VAPA: variants seen among roughly 807,000 people sequenced by gnomAD.
VAPA encodes the protein vesicle-associated membrane protein-associated protein A.
In VAPA, 6 loss-of-function variants were observed where a neutral mutation model predicts 25.6. The observed-to-expected ratio is 0.23, with a 90% CI of 0.13 to 0.46. VAPA has a LOEUF of 0.46. VAPA is among the 20% of genes least tolerant of loss of function. The pLI, the probability that VAPA is intolerant of heterozygous loss-of-function variation, is 0.99. For synonymous variants in VAPA, 112 were observed against 106.2 expected (o/e 1.05, Z -0.34); for missense variants, 244 against 302.1 (o/e 0.81, Z 1.43).
At chr18:9,936,369 A>G (rs1465517730) in intron 3 of VAPA, 156 bp downstream of exon 3, 2 of 447,360 alleles carry the variant, frequency 4.5e-6, no homozygotes, top group Non-Finnish European at 8.0e-6. Flanking sequence ...CCTAACTTAA[A>G]GAATGAAAGA....
At position 9,957,707 on chromosome 18, in the gene VAPA, C is replaced by A. The variant is rs2069565485; in HGVS notation, c.*3496C>A. 6.6e-6 allele frequency: 1 copy of A among 152,152 alleles called. No homozygotes were observed. The highest frequency in any genetic ancestry group is 1.9e-4 in the East Asian group (1 of 5,198). 9.4% of individuals were successfully genotyped at this position (152,152 alleles called of 1,614,324 possible). ...TTTAAAAATGTGAAGTGTCCTTTTC[C>A]TTTTCACAATACAAAAAAAATTTCA... On this transcript the variant is annotated 3_prime_UTR_variant, in exon 6 of 6. Coordinates refer to ENST00000400000, the MANE Select transcript of VAPA (RefSeq NM_194434.3).
Position 9,959,177 on chromosome 18 carries a change from C to T in VAPA, c.*4966C>T, listed in dbSNP as rs1031124475. 3.3e-5 allele frequency: 5 copies of T among 152,076 alleles called. No homozygotes were observed. Among genetic ancestry groups the T allele is most frequent in the African/African-American group, 1.2e-4 (5 of 41,388 alleles). The allele number at this position is 152,076 out of a possible 1,614,324, so 9.4% of individuals were successfully genotyped here. A position where few individuals can be genotyped will look rare whatever the true frequency, so the allele number is the denominator to read the frequency against. On this transcript the variant is annotated 3_prime_UTR_variant, in exon 6 of 6. Coordinates refer to ENST00000400000, the MANE Select transcript of VAPA (RefSeq NM_194434.3). ...TAGATGGTCTGATCCTAGTGATCTACCATATGAAGGACATAGTTTGTGTCC... is the reference window on the plus strand; with the variant it reads ...TAGATGGTCTGATCCTAGTGATCTATCATATGAAGGACATAGTTTGTGTCC...
chr18:9,944,793 T>C (rs1599113766), intron 4 of VAPA: 4 of 1,115,806 alleles, frequency 3.6e-6, no homozygotes, highest in African/African-American at 1.6e-5. Context: ...TTGTTTCTTA[T>C]GCATTAATGC....
At chr18:9,929,333 C>A (rs29191) in intron 1 of VAPA, among the ~76,000 whole-genome samples, 57,890 of 151,828 alleles carry the variant, frequency 0.38, 11,465 homozygotes, top group Middle Eastern at 0.42. Context: ...GGAGCAGTTA[C>A]CACCTAAAGG....
intron 4 of VAPA, among the ~76,000 whole-genome samples, chr18:9,938,924 ATTGT>A (rs2069338192): frequency 6.6e-6 from 1 of 152,184 alleles, no homozygotes; most frequent in South Asian, 2.1e-4. Context: ...CATCTTAGGT[ATTGT>A]TTAAGGCAAA....
chr18:9,938,517 G>A (rs2069334310), intron 4 of VAPA, among the ~76,000 whole-genome samples: 1 of 152,184 alleles, frequency 6.6e-6, no homozygotes. Context: ...GTAGTTTTGG[G>A]TCTGTTTTAG....
chr18:9,935,308 AC>A (rs1487301561), intron 2 of VAPA, among the ~76,000 whole-genome samples: 1 of 152,140 alleles, frequency 6.6e-6, no homozygotes, highest in Non-Finnish European at 1.5e-5. Context: ...GCTGTGGCTT[AC>A]GCCTGTAATC....
intron 1 of VAPA, among the ~76,000 whole-genome samples, chr18:9,923,183 A>G (rs2069171614): frequency 6.6e-6 from 1 of 152,174 alleles, no homozygotes; most frequent in Non-Finnish European, 1.5e-5. Flanking sequence ...ACTAGTTATC[A>G]CTAATGTTTG....
intron 2 of VAPA, among the ~76,000 whole-genome samples, chr18:9,935,163 A>G (rs1183329423): frequency 6.6e-6 from 1 of 152,044 alleles, no homozygotes; most frequent in Non-Finnish European, 1.5e-5. Context: ...TTTAGAACTC[A>G]AGAGGCTATA....
At chr18:9,950,808 G>T in intron 5 of VAPA, 1 of 425,328 alleles carries the variant, frequency 2.4e-6, no homozygotes. Context: ...CTGCAGTATT[G>T]CCAGCTTCTG....
chr18:9,934,937 A>G (rs2069292631), intron 2 of VAPA, among the ~76,000 whole-genome samples: 1 of 152,000 alleles, frequency 6.6e-6, no homozygotes, highest in Non-Finnish European at 1.5e-5. Flanking sequence ...TACTAAAAAT[A>G]CAAAAAAATT....
In VAPA at chr18:9,956,389, T is replaced by G. The variant is rs941249317; in HGVS notation, c.*2178T>G. The G allele has an allele frequency of 6.6e-6, 1 of 152,248 alleles. No individual in the cohort carries two copies. Among genetic ancestry groups the G allele is most frequent in the African/African-American group, 2.4e-5 (1 of 41,458 alleles). 9.4% of individuals were successfully genotyped at this position (152,248 alleles called of 1,614,324 possible). A position where few individuals can be genotyped will look rare whatever the true frequency, so the allele number is the denominator to read the frequency against. Reference sequence around the variant, plus strand: ...CTACTACCGGCTTACTGTTGAATAGTTTGGTTATAGTGTTTAGGCTAGAAA... The same window carrying G: ...CTACTACCGGCTTACTGTTGAATAGGTTGGTTATAGTGTTTAGGCTAGAAA... On this transcript the variant is annotated 3_prime_UTR_variant, in exon 6 of 6. Coordinates refer to ENST00000400000, the MANE Select transcript of VAPA (RefSeq NM_194434.3).
At position 9,914,429 on chromosome 18, in the gene VAPA, C is replaced by T. The variant is rs886269685; in HGVS notation, c.79+94C>T. Reference sequence around the variant, plus strand: ...CGGAGGGCACGTCCGCGGCCCTGGCCCGAGGGAGCGCCCCCTCCCCCACGC... The same window carrying T: ...CGGAGGGCACGTCCGCGGCCCTGGCTCGAGGGAGCGCCCCCTCCCCCACGC... On this transcript the variant is annotated intron_variant, in intron 1 of 5. Transcript: ENST00000400000. 1.5e-5 allele frequency: 17 copies of T among 1,125,990 alleles called. No homozygotes were observed. The Admixed American group carries it at 4.6e-4, about 31-fold the overall frequency. 69.7% of individuals were successfully genotyped at this position (1,125,990 alleles called of 1,614,324 possible).
At chr18:9,951,736 G>A (rs2069492445) in intron 5 of VAPA, among the ~76,000 whole-genome samples, 1 of 152,168 alleles carries the variant, frequency 6.6e-6, no homozygotes, top group South Asian at 2.1e-4. Flanking sequence ...AATGATGGGA[G>A]TTATTTGATT....
rs1490963956 is a variant in VAPA, at chr18:9,959,894, A to G, written c.*5683A>G. The G allele has an allele frequency of 7.9e-5, 12 of 152,150 alleles. No individual in the cohort carries two copies. 9.4% of individuals were successfully genotyped at this position (152,150 alleles called of 1,614,324 possible). A position where few individuals can be genotyped will look rare whatever the true frequency, so the allele number is the denominator to read the frequency against. On this transcript the variant is annotated 3_prime_UTR_variant, in exon 6 of 6. Transcript: ENST00000400000. ...TTTGTGCTGTTTTAATTCAAAATGT[A>G]TATCCTTAATTGTATATAATATGTA...
rs534238676 is a variant in VAPA, at chr18:9,937,387, A to C, written c.417+321A>C. On this transcript the variant is annotated intron_variant, in intron 4 of 5. Transcript: ENST00000400000. ...AGAATGAGATGTGTATACATAATTT[A>C]AAAATACATATAAATTGCTTTTTGG... Among the ~76,000 whole-genome samples, 5 of 152,312 alleles carry C rather than the reference A, an allele frequency of 3.3e-5. No individual in the cohort carries two copies. In the South Asian group the frequency reaches 1.0e-3, roughly 32 times the overall value.
At position 9,935,347 on chromosome 18, in the gene VAPA, G is replaced by A. The variant is rs115471955; in HGVS notation, c.233-763G>A. ...AGCACTTCGGGAGGCTGAGGAGGGCGGATCTCTTGAGCCCAGGAATTCTAT... is the reference window on the plus strand; with the variant it reads ...AGCACTTCGGGAGGCTGAGGAGGGCAGATCTCTTGAGCCCAGGAATTCTAT... On this transcript the variant is annotated intron_variant, in intron 2 of 5. Coordinates refer to ENST00000400000, the MANE Select transcript of VAPA (RefSeq NM_194434.3). Among the ~76,000 whole-genome samples, 1,354 of 152,234 alleles carry A rather than the reference G, an allele frequency of 8.9e-3. 24 individuals carry two copies. Among genetic ancestry groups the A allele is most frequent in the African/African-American group, 0.031 (1,298 of 41,538 alleles).
At chr18:9,940,478 G>A (rs1388832030) in intron 4 of VAPA, among the ~76,000 whole-genome samples, 3 of 152,092 alleles carry the variant, frequency 2.0e-5, no homozygotes, top group Non-Finnish European at 4.4e-5. Flanking sequence ...AGGTAAGAGT[G>A]GAGGCCCATT....
At chr18:9,918,596 C>T (rs528442616) in intron 1 of VAPA, among the ~76,000 whole-genome samples, 3 of 152,244 alleles carry the variant, frequency 2.0e-5, no homozygotes, top group East Asian at 3.9e-4. Context: ...CATTTATTGT[C>T]TTATTTGTGG....
Sources: gnomAD v4.1 joint callset for allele counts (sites outside exome capture counted in the v4.1 genomes callset) on GRCh38, gnomAD v4.1.1 for gene constraint, MANE v1.5 for transcripts, NCBI Gene and HGNC (gene_info 2026-07-23, HGNC 2026-07-21) for gene names.